The following ULK2 variants were observed in gnomAD, a reference collection of about 807,000 sequenced individuals.
The protein encoded by ULK2 is serine/threonine-protein kinase ULK2.
In ULK2, 76 loss-of-function variants were observed where a neutral mutation model predicts 127.5. The observed-to-expected ratio is 0.60, with a 90% CI of 0.50 to 0.72. The LOEUF (loss-of-function observed/expected upper bound fraction) is 0.72. Ranked by LOEUF, ULK2 falls within the 30% of genes least tolerant of loss-of-function variation. The pLI is 0.00. For synonymous variants in ULK2, 452 were observed against 461.9 expected (o/e 0.98, Z 0.28); for missense variants, 1,144 against 1,295.9 (o/e 0.88, Z 1.80).
At chr17:19,795,950 T>C (rs1433672050) in intron 19 of ULK2, 145 bp downstream of exon 19, 7 of 1,206,972 alleles carry the variant, frequency 5.8e-6, no homozygotes, top group Non-Finnish European at 6.8e-6. Flanking sequence ...TTTTCAGAGA[T>C]TCTAAATGTA....
chr17:19,825,255 G>T lies in ULK2; in HGVS notation c.836-73C>A, dbSNP rs562782560. 1.0e-5 allele frequency: 13 copies of T among 1,296,894 alleles called. No individual in the cohort carries two copies. In the African/African-American group the frequency reaches 1.9e-4, roughly 19 times the overall value. The allele number at this position is 1,296,894 out of a possible 1,614,324, so 80.3% of individuals were successfully genotyped here. A position where few individuals can be genotyped will look rare whatever the true frequency, so the allele number is the denominator to read the frequency against. ...CATGACCTGTATAACAGAAACACTT[G>T]CCAAAACTACTACACCTTTGTGTTC... On this transcript the variant is annotated intron_variant, in intron 11 of 26. Transcript: ENST00000395544.
At chr17:19,803,885 G>A (rs2087454076) in intron 15 of ULK2, among the ~76,000 whole-genome samples, 1 of 152,160 alleles carries the variant, frequency 6.6e-6, no homozygotes, top group Non-Finnish European at 1.5e-5. Context: ...AAGTCAAAGT[G>A]CTATTTCCTC....
chr17:19,785,957 AG>A lies in ULK2; in HGVS notation c.2230del (p.Leu744PhefsTer20). 1 of 1,594,398 alleles carries A rather than the reference AG, an allele frequency of 6.3e-7. No individual in the cohort carries two copies. The highest frequency in any genetic ancestry group is 8.5e-7 in the Non-Finnish European group (1 of 1,172,064). ...CTTACCTGAGGTTGTTCTTGTTCGA[AG>A]GAACATGTGGGTACAAGTGGGGGCT... is the stretch of plus-strand genomic sequence containing the variant. The part of the protein sequence containing the change: ...AAAPTCTHMF[L>X]RTRTTSVGPS... On this transcript the variant is annotated frameshift_variant, in exon 21 of 27. Transcript: ENST00000395544. LOFTEE classifies it high-confidence loss of function.
intron 14 of ULK2, among the ~76,000 whole-genome samples, chr17:19,809,648 A>G (rs568621897): frequency 1.4e-5 from 2 of 140,354 alleles, no homozygotes; most frequent in South Asian, 2.3e-4. Context: ...CAGGAGAATC[A>G]CTTGAACCCG....
intron 14 of ULK2, among the ~76,000 whole-genome samples, chr17:19,808,055 G>A (rs2087551700): frequency 6.6e-6 from 1 of 152,120 alleles, no homozygotes; most frequent in South Asian, 2.1e-4. Flanking sequence ...GCAGCAAGCC[G>A]AAATCGCACC....
At chr17:19,805,309 G>C (rs1332579076) in intron 14 of ULK2, among the ~76,000 whole-genome samples, 1 of 152,214 alleles carries the variant, frequency 6.6e-6, no homozygotes, top group East Asian at 1.9e-4. Context: ...AACTCTCAAA[G>C]CATGCAACTC....
intron 1 of ULK2, among the ~76,000 whole-genome samples, chr17:19,866,838 G>C (rs1026940111): frequency 7.2e-5 from 11 of 152,130 alleles, no homozygotes; most frequent in African/African-American, 1.4e-4. Context: ...GGGGCTCTTC[G>C]GGGTGCAGGG....
Position 19,849,787 on chromosome 17 carries a change from C to A in ULK2, c.226-13G>T. On this transcript the variant is annotated splice_polypyrimidine_tract_variant and intron_variant, in intron 3 of 26. Coordinates refer to ENST00000395544, the MANE Select transcript of ULK2 (RefSeq NM_014683.4). ...AGTTGGGTAATTCCTGAAAAGTAAA[C>A]ATATTAAATATCATTTAGAGAAAAA... 1 of 1,489,720 alleles carries A rather than the reference C, an allele frequency of 6.7e-7. No individual in the cohort carries two copies. Among genetic ancestry groups the A allele is most frequent in the Non-Finnish European group, 9.1e-7 (1 of 1,097,662 alleles). 92.3% of individuals were successfully genotyped at this position (1,489,720 alleles called of 1,614,324 possible).
intron 10 of ULK2, among the ~76,000 whole-genome samples, chr17:19,826,540 T>C (rs2041300886): frequency 6.6e-6 from 1 of 152,188 alleles, no homozygotes; most frequent in African/African-American, 2.4e-5. Flanking sequence ...ACCAGGCCCT[T>C]GTTAAGCACC....
chr17:19,849,831 GATA>G lies in ULK2; in HGVS notation c.226-60_226-58del, dbSNP rs1395097644. On this transcript the variant is annotated intron_variant, in intron 3 of 26. Coordinates refer to ENST00000395544, the MANE Select transcript of ULK2 (RefSeq NM_014683.4). ...AGAAAAATTAAACACAAAATTTAAA[GATA>G]ATGATAGTTAAAAATACCATACTTG... 20 of 1,043,238 alleles carry G rather than the reference GATA, an allele frequency of 1.9e-5. No individual in the cohort carries two copies. The East Asian group carries it at 4.5e-4, about 24-fold the overall frequency. The allele number at this position is 1,043,238 out of a possible 1,614,324, so 64.6% of individuals were successfully genotyped here.
intron 23 of ULK2, 135 bp downstream of exon 23, chr17:19,781,754 G>T: frequency 9.8e-7 from 1 of 1,022,740 alleles, no homozygotes; most frequent in Non-Finnish European, 1.4e-6. Context: ...GTGAAATGTA[G>T]TACAAAGAAA....
chr17:19,832,039 G>A (rs1168279654), intron 10 of ULK2, among the ~76,000 whole-genome samples: 3 of 151,388 alleles, frequency 2.0e-5, no homozygotes, highest in Admixed American at 6.6e-5. Context: ...CAGGAGTATC[G>A]CCTGAACCCA....
chr17:19,789,511 T>C (rs2087107031), intron 20 of ULK2, among the ~76,000 whole-genome samples: 1 of 151,980 alleles, frequency 6.6e-6, no homozygotes, highest in Non-Finnish European at 1.5e-5. Context: ...AAAATCTACA[T>C]CAAGACCAGC....
intron 13 of ULK2, among the ~76,000 whole-genome samples, chr17:19,814,456 T>TTTTTTTGTTTG (rs1555557160): frequency 1.1e-4 from 2 of 18,254 alleles, no homozygotes; most frequent in African/African-American, 1.9e-4. Flanking sequence ...TTTTTTTTTT[T>TTTTTTTGTTTG]TTTTTTTGGA....
chr17:19,858,510 C>T (rs535883163), intron 3 of ULK2, among the ~76,000 whole-genome samples: 212 of 152,280 alleles, frequency 1.4e-3, no homozygotes, highest in African/African-American at 4.8e-3. Flanking sequence ...CACCACTATA[C>T]GCCTGTACAT....
At position 19,775,871 on chromosome 17, in the gene ULK2, T is replaced by A. The variant is rs1163050315; in HGVS notation, c.*478A>T. The A allele has an allele frequency of 1.3e-5, 2 of 153,278 alleles. No individual in the cohort carries two copies. Among genetic ancestry groups the A allele is most frequent in the South Asian group, 4.1e-4 (2 of 4,844 alleles). The allele number at this position is 153,278 out of a possible 1,614,324, so 9.5% of individuals were successfully genotyped here. ...CTTCTTAAGCTATTTCTTCCTGAGC[T>A]GTTTAAAGATGCATGCTCAGATTTA... is the stretch of plus-strand genomic sequence containing the variant. On this transcript the variant is annotated 3_prime_UTR_variant, in exon 27 of 27. Coordinates refer to ENST00000395544, the MANE Select transcript of ULK2 (RefSeq NM_014683.4).
In ULK2 at chr17:19,867,472, T is replaced by C; in HGVS notation, c.-55A>G. On this transcript the variant is annotated 5_prime_UTR_variant, in exon 1 of 27. It adds an upstream start codon to the 5' untranslated region. Transcript: ENST00000395544. ...GGCGGGCGGCGCAGTGCGGCGCAGG[T>C]ATCAGCACCGCGGCTCCGCGGGCCC... 1 of 1,444,692 alleles carries C rather than the reference T, an allele frequency of 6.9e-7. No individual in the cohort carries two copies. Among genetic ancestry groups the C allele is most frequent in the Non-Finnish European group, 9.3e-7 (1 of 1,079,362 alleles). The allele number at this position is 1,444,692 out of a possible 1,614,324, so 89.5% of individuals were successfully genotyped here. A position where few individuals can be genotyped will look rare whatever the true frequency, so the allele number is the denominator to read the frequency against.
intron 5 of ULK2, among the ~76,000 whole-genome samples, chr17:19,849,017 A>C (rs1436591315): frequency 6.6e-6 from 1 of 152,040 alleles, no homozygotes; most frequent in Non-Finnish European, 1.5e-5. Context: ...TTCCACTATA[A>C]TTTTTTAATT....
At chr17:19,808,895 C>T (rs2087568611) in intron 14 of ULK2, among the ~76,000 whole-genome samples, 2 of 152,114 alleles carry the variant, frequency 1.3e-5, no homozygotes, top group African/African-American at 4.8e-5. Flanking sequence ...ACAAAATTAC[C>T]ATATGATCCA....
Sources: gnomAD v4.1 joint callset for allele counts (sites outside exome capture counted in the v4.1 genomes callset) on GRCh38, gnomAD v4.1.1 for gene constraint, MANE v1.5 for transcripts, NCBI Gene and HGNC (gene_info 2026-07-23, HGNC 2026-07-21) for gene names.